The following SUN1 variants were observed in gnomAD, a reference collection of about 807,000 sequenced individuals.
SUN1 encodes the protein Sad1 and UNC84 domain containing 1, also known as SUN domain-containing protein 1.
Under a neutral mutation model 103.2 loss-of-function variants are expected in SUN1, and 61 were observed. The observed-to-expected ratio is 0.59, with a 90% CI of 0.48 to 0.73. The LOEUF is 0.73. Ranked by LOEUF, SUN1 falls within the 30% of genes least tolerant of loss-of-function variation. SUN1 has a pLI of 0.00. For synonymous variants in SUN1, 490 were observed against 425.7 expected (o/e 1.15, Z -1.86); for missense variants, 1,052 against 1,034.6 (o/e 1.02, Z -0.23).
chr7:855,116 TTTG>T, intron 11 of SUN1, 110 bp downstream of exon 11: 1 of 851,842 alleles, frequency 1.2e-6, no homozygotes, highest in Non-Finnish European at 1.8e-6. Flanking sequence ...CTATTTGCTG[TTTG>T]TTTTGTGTAA....
Sources: allele counts gnomAD v4.1 joint callset, GRCh38; gene constraint gnomAD v4.1.1; transcripts MANE v1.5; gene names NCBI Gene and HGNC (gene_info 2026-07-23, HGNC 2026-07-21).